The following THSD7B variants were observed in gnomAD, a reference collection of about 807,000 sequenced individuals.
The protein encoded by THSD7B is thrombospondin type-1 domain-containing protein 7B.
Under a neutral mutation model 213.6 loss-of-function variants are expected in THSD7B, and 138 were observed. The ratio of observed to expected loss-of-function variants is 0.65; its 90% CI spans 0.56 to 0.74. The LOEUF is 0.74. Among genes scored for constraint, THSD7B ranks in the 30% least tolerant of loss-of-function variants. The pLI is 0.00. For synonymous variants in THSD7B, 742 were observed against 687.0 expected (o/e 1.08, Z -1.25); for missense variants, 1,931 against 1,991.5 (o/e 0.97, Z 0.58).
intron 1 of THSD7B, among the ~76,000 whole-genome samples, chr2:136,774,522 C>A (rs574282493): frequency 6.6e-6 from 1 of 152,160 alleles, no homozygotes; most frequent in South Asian, 2.1e-4. Flanking sequence ...TAAAAAAAGT[C>A]CTGTGTTTCC....
chr2:137,313,949 T>C (rs577944371), intron 12 of THSD7B, among the ~76,000 whole-genome samples: 141 of 152,348 alleles, frequency 9.3e-4, no homozygotes, highest in African/African-American at 3.3e-3. Context: ...ATTTTTTGCT[T>C]CATTTCAACT....
chr2:136,931,025 T>G (rs192218750), intron 2 of THSD7B, among the ~76,000 whole-genome samples: 1 of 152,206 alleles, frequency 6.6e-6, no homozygotes, highest in East Asian at 1.9e-4. Context: ...CTGATTGTTC[T>G]GGTTAGAAAA....
chr2:137,300,553 A>G (rs1460738067), intron 12 of THSD7B, among the ~76,000 whole-genome samples: 1 of 152,076 alleles, frequency 6.6e-6, no homozygotes, highest in Non-Finnish European at 1.5e-5. Context: ...GGCAAATTAC[A>G]TTTTCAAAAT....
intron 2 of THSD7B, among the ~76,000 whole-genome samples, chr2:136,940,235 C>CA (rs1281026723): frequency 6.6e-6 from 1 of 151,990 alleles, no homozygotes; most frequent in Non-Finnish European, 1.5e-5. Flanking sequence ...CATGTGTACA[C>CA]ATTATTTAGC....
intron 2 of THSD7B, among the ~76,000 whole-genome samples, chr2:137,032,238 A>C (rs144001992): frequency 1.3e-5 from 2 of 149,196 alleles, no homozygotes; most frequent in African/African-American, 4.9e-5. Context: ...ACATGAAGTT[A>C]AAAAAAAAAT....
At chr2:136,769,073 C>T (rs1681459905) in intron 1 of THSD7B, among the ~76,000 whole-genome samples, 1 of 152,134 alleles carries the variant, frequency 6.6e-6, no homozygotes, top group Non-Finnish European at 1.5e-5. Context: ...CTATTCCCAC[C>T]CTTTAAAACT....
intron 9 of THSD7B, among the ~76,000 whole-genome samples, chr2:137,236,082 T>A (rs538016329): frequency 1.3e-5 from 2 of 152,158 alleles, no homozygotes; most frequent in African/African-American, 4.8e-5. Context: ...TTGCTATGCC[T>A]CCAGAAATAT....
chr2:136,894,787 A>T (rs1443102218), intron 2 of THSD7B, among the ~76,000 whole-genome samples: 1 of 152,176 alleles, frequency 6.6e-6, no homozygotes, highest in Non-Finnish European at 1.5e-5. Context: ...TCTGCACGTT[A>T]AAGTTTATTT....
intron 15 of THSD7B, among the ~76,000 whole-genome samples, chr2:137,523,009 T>G (rs1244643460): frequency 6.6e-6 from 1 of 152,196 alleles, no homozygotes; most frequent in Non-Finnish European, 1.5e-5. Context: ...TTTGAATGAA[T>G]ACACTTGAAG....
intron 14 of THSD7B, among the ~76,000 whole-genome samples, chr2:137,448,729 T>G (rs973026473): frequency 1.2e-4 from 18 of 151,506 alleles, no homozygotes; most frequent in South Asian, 6.3e-4. Flanking sequence ...AACCCGGGAG[T>G]CAGAGCTTGC....
intron 12 of THSD7B, among the ~76,000 whole-genome samples, chr2:137,324,603 T>C (rs1430491385): frequency 1.3e-5 from 2 of 152,182 alleles, no homozygotes; most frequent in African/African-American, 2.4e-5. Flanking sequence ...AGACATACCA[T>C]TTTGAGTGCT....
chr2:137,104,572 G>A (rs1335145831), intron 4 of THSD7B, among the ~76,000 whole-genome samples: 1 of 152,082 alleles, frequency 6.6e-6, no homozygotes, highest in Non-Finnish European at 1.5e-5. Flanking sequence ...CAGAACTGAA[G>A]GAGATAGAGA....
At chr2:137,444,734 A>G (rs1687491655) in intron 14 of THSD7B, among the ~76,000 whole-genome samples, 1 of 152,066 alleles carries the variant, frequency 6.6e-6, no homozygotes, top group Middle Eastern at 3.2e-3. Context: ...TGAGACCTCA[A>G]AAGCATAGGC....
intron 1 of THSD7B, among the ~76,000 whole-genome samples, chr2:136,843,393 T>C (rs1682948850): frequency 6.6e-6 from 1 of 152,228 alleles, no homozygotes; most frequent in Admixed American, 6.5e-5. Flanking sequence ...GGAATCGTAT[T>C]CGTGAATGTC....
intron 10 of THSD7B, among the ~76,000 whole-genome samples, chr2:137,266,711 A>G (rs1438471175): frequency 6.6e-6 from 1 of 152,128 alleles, no homozygotes; most frequent in Non-Finnish European, 1.5e-5. Context: ...GTACATAGCT[A>G]TCCTGCATCT....
intron 12 of THSD7B, among the ~76,000 whole-genome samples, chr2:137,303,362 A>C (rs1014032811): frequency 7.2e-5 from 11 of 152,080 alleles, no homozygotes; most frequent in Non-Finnish European, 1.5e-5. Flanking sequence ...TGACCTTTGC[A>C]ATTTTATTTA....
chr2:137,024,310 T>C (rs1162455376), intron 2 of THSD7B, among the ~76,000 whole-genome samples: 3 of 152,138 alleles, frequency 2.0e-5, no homozygotes, highest in Non-Finnish European at 4.4e-5. Flanking sequence ...TCTCAGAAAG[T>C]GTGAGCTGGA....
chr2:137,538,139 T>A (rs1327856620), intron 15 of THSD7B, among the ~76,000 whole-genome samples: 1 of 151,720 alleles, frequency 6.6e-6, no homozygotes, highest in Non-Finnish European at 1.5e-5. Flanking sequence ...CTTAGGGAAT[T>A]TGAGTTCAGC....
intron 4 of THSD7B, among the ~76,000 whole-genome samples, chr2:137,113,609 G>A (rs1210518365): frequency 6.6e-6 from 1 of 151,938 alleles, no homozygotes; most frequent in East Asian, 1.9e-4. Context: ...GCTAATTTGG[G>A]ATTTTTAGTA....
Sources: allele counts gnomAD v4.1 joint callset (sites outside exome capture counted in the v4.1 genomes callset), GRCh38; gene constraint gnomAD v4.1.1; transcripts MANE v1.5; gene names NCBI Gene and HGNC (gene_info 2026-07-23, HGNC 2026-07-21).